The following HMX1 variants were observed in gnomAD, a reference collection of about 807,000 sequenced individuals.
The protein encoded by HMX1 is homeobox protein HMX1.
Under a neutral mutation model 8.9 loss-of-function variants are expected in HMX1, and 8 were observed. The ratio of observed to expected loss-of-function variants is 0.90; its 90% CI spans 0.53 to 1.63. The LOEUF is 1.63. Ranked by LOEUF, HMX1 falls within the 40% of genes most tolerant of loss-of-function variation. HMX1 has a pLI of 0.00. For missense variants in HMX1, 621 were observed against 558.5 expected (o/e 1.11, Z -1.13); for synonymous variants, 311 against 283.4 (o/e 1.10, Z -0.98).
chr4:8,848,610 A>G lies in HMX1; in HGVS notation c.395-2286T>C, dbSNP rs1183269261. Among the ~76,000 whole-genome samples the G allele has an allele frequency of 6.6e-6, 1 of 152,206 alleles. No homozygotes were observed. The highest frequency in any genetic ancestry group is 2.4e-5 in the African/African-American group (1 of 41,450). On this transcript the variant is annotated intron_variant, in intron 1 of 1. Coordinates refer to the HMX1 transcript ENST00000506970. The surrounding 1 kb of genome is among the most constrained non-coding windows in gnomAD (Gnocchi z 4.1). The stretch of plus-strand genomic sequence containing the variant: ...CCATAACTTGGCACTTGCTCCAGGC[A>G]TGCTTGGAGGTGCCGGCTGCTGTAG...
rs556363968 is a variant in HMX1, at chr4:8,852,064, A to G, written c.395-5740T>C. 4.6e-5 allele frequency among the ~76,000 whole-genome samples: 7 copies of G among 152,030 alleles called. No individual in the cohort carries two copies. In the East Asian group the frequency reaches 1.2e-3, roughly 25 times the overall value. On this transcript the variant is annotated intron_variant, in intron 1 of 1. Coordinates refer to the HMX1 transcript ENST00000506970. ...AGTGGGAGTGCAATCCAGGGTCTCC[A>G]CCTCTCCTGACCCTTCCAAGCCCCG...
intron 1 of HMX1, among the ~76,000 whole-genome samples, chr4:8,850,087 G>GT (rs1277742914): frequency 6.6e-6 from 1 of 152,200 alleles, no homozygotes; most frequent in Non-Finnish European, 1.5e-5. Flanking sequence ...TAGGCACACG[G>GT]TGAGTCTGTT....
At chr4:8,869,980 C>T (rs184140739) in intron 1 of HMX1, among the ~76,000 whole-genome samples, 37 of 152,270 alleles carry the variant, frequency 2.4e-4, no homozygotes, top group African/African-American at 8.4e-4. Context: ...GGAAGCCCTG[C>T]TCAAGTCTAC....
chr4:8,871,675 C>T lies in HMX1; in HGVS notation c.-61G>A. The T allele has an allele frequency of 2.6e-6, 3 of 1,150,548 alleles. No individual in the cohort carries two copies. Among genetic ancestry groups the T allele is most frequent in the Non-Finnish European group, 3.2e-6 (3 of 936,410 alleles). The allele number at this position is 1,150,548 out of a possible 1,614,324, so 71.3% of individuals were successfully genotyped here. A position where few individuals can be genotyped will look rare whatever the true frequency, so the allele number is the denominator to read the frequency against. On this transcript the variant is annotated 5_prime_UTR_variant, in exon 1 of 2. Coordinates refer to ENST00000400677, the MANE Select transcript of HMX1 (RefSeq NM_018942.3). The surrounding 1 kb of genome is among the most constrained non-coding windows in gnomAD (Gnocchi z 4.8). ...TCGGTCCCCGCTGGGGATGGTGGCG[C>T]GCGGCTCCCGGGCGCACGCGCGGGC... is the stretch of plus-strand genomic sequence containing the variant.
chr4:8,850,828 C>A (rs529037031), intron 1 of HMX1, among the ~76,000 whole-genome samples: 1 of 152,372 alleles, frequency 6.6e-6, no homozygotes, highest in South Asian at 2.1e-4. Context: ...TGGACCCAGG[C>A]TCCTGAGAGG....
chr4:8,846,256 T>G, exon 2 of HMX1: 1 of 1,535,138 alleles, frequency 6.5e-7, no homozygotes, highest in Non-Finnish European at 8.7e-7. Context: ...CTGTTCACTT[T>G]GTATTTATCA....
downstream of HMX1, among the ~76,000 whole-genome samples, chr4:8,864,907 C>A (rs567620883): frequency 1.3e-5 from 2 of 152,212 alleles, no homozygotes; most frequent in African/African-American, 4.8e-5. Context: ...TTAATTCTAT[C>A]GAAAGACACA....
chr4:8,868,106 G>T lies in HMX1; in HGVS notation c.634C>A (p.Arg212Ser), dbSNP rs1355324130. 2.0e-6 allele frequency: 3 copies of T among 1,513,528 alleles called. No individual in the cohort carries two copies. Among genetic ancestry groups the T allele is most frequent in the Non-Finnish European group, 2.6e-6 (3 of 1,133,172 alleles). 93.8% of individuals were successfully genotyped at this position (1,513,528 alleles called of 1,614,324 possible). The stretch of plus-strand genomic sequence containing the variant: ...GATTCCAGCTGGAAGACCTGGCTGC[G>T]GGAGAAGACTGTGCGCGTCTTCTTC... Reference protein sequence around the residue: ...RKKKTRTVFSRSQVFQLESTF... With the variant: ...RKKKTRTVFSSSQVFQLESTF... The change falls in exon 2 of 2, where the codon CGC becomes AGC. Residue 212 changes from arginine (R) to serine (S), a missense_variant. By Grantham distance (110) the Arg-to-Ser change is moderately radical (BLOSUM62 -1). Transcript: ENST00000400677. The surrounding 1 kb of genome is among the most constrained non-coding windows in gnomAD (Gnocchi z 4.6).
chr4:8,867,849 C>T lies in HMX1; in HGVS notation c.891G>A (p.Gly297=). ...HESPPAAAAA[G]PPATLPFPLA... ...GCGGGAAGGGCAGGGTGGCCGGGGGCCCAGCGGCGGCTGCGGCCGGGGGGC... is the reference window on the plus strand; with the variant it reads ...GCGGGAAGGGCAGGGTGGCCGGGGGTCCAGCGGCGGCTGCGGCCGGGGGGC... The change falls in exon 2 of 2, where the codon GGG becomes GGA. Residue 297 remains glycine, a synonymous_variant. Coordinates refer to ENST00000400677, the MANE Select transcript of HMX1 (RefSeq NM_018942.3). 8.1e-7 allele frequency: 1 copy of T among 1,239,972 alleles called. No individual in the cohort carries two copies. The highest frequency in any genetic ancestry group is 1.0e-6 in the Non-Finnish European group (1 of 993,684). The allele number at this position is 1,239,972 out of a possible 1,614,324, so 76.8% of individuals were successfully genotyped here. A position where few individuals can be genotyped will look rare whatever the true frequency, so the allele number is the denominator to read the frequency against.
chr4:8,866,973 G>C, downstream of HMX1: 1 of 710,170 alleles, frequency 1.4e-6, no homozygotes, highest in Non-Finnish European at 1.7e-6. Context: ...AGCACTGAAA[G>C]GTGCTCCCAG....
At position 8,848,524 on chromosome 4, in the gene HMX1, C is replaced by A. The variant is rs1721342298; in HGVS notation, c.395-2200G>T. ...ATCCCCTTGTTTTACAAATAGGAAA[C>A]CTGAGGCCAGAGAAGGCAAGTAAGT... On this transcript the variant is annotated intron_variant, in intron 1 of 1. Transcript: ENST00000506970. The surrounding 1 kb of genome is among the most constrained non-coding windows in gnomAD (Gnocchi z 4.1). Among the ~76,000 whole-genome samples the A allele has an allele frequency of 6.6e-6, 1 of 152,148 alleles. No individual in the cohort carries two copies. The highest frequency in any genetic ancestry group is 2.1e-4 in the South Asian group (1 of 4,816).
exon 2 of HMX1, chr4:8,846,154 G>A: frequency 9.9e-7 from 1 of 1,013,240 alleles, no homozygotes; most frequent in South Asian, 1.4e-5. Context: ...GGTCACTCGG[G>A]GGTCCAGGCT....
rs1299376556 is a variant in HMX1, at chr4:8,848,090, A to ATCTGCT, written c.395-1772_395-1767dup. Reference sequence around the variant, plus strand: ...TGTTTGGAACAACTTGGGTCTGAGAATCTGCTTTTTCAACTGTAAATCTTA... The same window carrying ATCTGCT: ...TGTTTGGAACAACTTGGGTCTGAGAATCTGCTTCTGCTTTTTCAACTGTAAATCTTA... On this transcript the variant is annotated intron_variant, in intron 1 of 1. Coordinates refer to the HMX1 transcript ENST00000506970. The surrounding 1 kb of genome is among the most constrained non-coding windows in gnomAD (Gnocchi z 4.1). Among the ~76,000 whole-genome samples the ATCTGCT allele has an allele frequency of 1.3e-5, 2 of 152,226 alleles. No homozygotes were observed. Among genetic ancestry groups the ATCTGCT allele is most frequent in the African/African-American group, 4.8e-5 (2 of 41,476 alleles).
chr4:8,871,615 C>A lies in HMX1; in HGVS notation c.-1G>T. On this transcript the variant is annotated 5_prime_UTR_variant, in exon 1 of 2. Transcript: ENST00000400677. This position sits in a 1 kb window ranked among gnomAD's most constrained non-coding sequence, Gnocchi z 4.8. ...CGGGCTCCGTCAGCTCGTCAGGCAT[C>A]GCGGCCGCGGGCTTCTCGGGCTCGG... is the stretch of plus-strand genomic sequence containing the variant. 1.6e-6 allele frequency: 2 copies of A among 1,283,192 alleles called. No homozygotes were observed. Among genetic ancestry groups the A allele is most frequent in the Non-Finnish European group, 2.0e-6 (2 of 1,016,104 alleles). The allele number at this position is 1,283,192 out of a possible 1,614,324, so 79.5% of individuals were successfully genotyped here. A position where few individuals can be genotyped will look rare whatever the true frequency, so the allele number is the denominator to read the frequency against.
chr4:8,858,620 G>C (rs981026052), intron 1 of HMX1: 1 of 152,222 alleles, frequency 6.6e-6, no homozygotes, highest in Non-Finnish European at 1.5e-5. Flanking sequence ...CCTGAGCGCA[G>C]GCCCCCGGGC....
At chr4:8,846,828 G>A (rs545203433) in intron 1 of HMX1, among the ~76,000 whole-genome samples, 1 of 152,264 alleles carries the variant, frequency 6.6e-6, no homozygotes, top group East Asian at 1.9e-4. Flanking sequence ...CAGTTCCAAT[G>A]TCTCCTCCTA....
At chr4:8,864,288 G>A (rs920473496), downstream of HMX1, among the ~76,000 whole-genome samples, 1 of 152,230 alleles carries the variant, frequency 6.6e-6, no homozygotes, top group African/African-American at 2.4e-5. Context: ...AAGTCGGACT[G>A]GGTCCAGTAT....
rs908768381 is a variant in HMX1 at position 8,847,942 on chromosome 4, C to T, written c.395-1618G>A. Among the ~76,000 whole-genome samples, 4 of 152,130 alleles carry T rather than the reference C, an allele frequency of 2.6e-5. No individual in the cohort carries two copies. The highest frequency in any genetic ancestry group is 2.1e-4 in the South Asian group (1 of 4,832). On this transcript the variant is annotated intron_variant, in intron 1 of 1. Transcript: ENST00000506970. The surrounding 1 kb of genome is among the most constrained non-coding windows in gnomAD (Gnocchi z 6.0). ...CGAGCCCCCTATACTCCAGGCTTTA[C>T]GGTAACTGGAACAGGCTCCGACTCC...
Position 8,868,949 on chromosome 4 carries a change from G to T in HMX1, c.395-604C>A, listed in dbSNP as rs539447109. Among the ~76,000 whole-genome samples, 421 of 152,132 alleles carry T rather than the reference G, an allele frequency of 2.8e-3. 4 individuals are homozygous for T. Among genetic ancestry groups the T allele is most frequent in the Admixed American group, 5.2e-3 (79 of 15,288 alleles). ...AGTAGGAGGACAAACCAATGCAAAGGATCCCCAAAAGAGAACTCCCATCAG... is the reference window on the plus strand; with the variant it reads ...AGTAGGAGGACAAACCAATGCAAAGTATCCCCAAAAGAGAACTCCCATCAG... On this transcript the variant is annotated intron_variant, in intron 1 of 1. Transcript: ENST00000400677. The surrounding 1 kb of genome is among the most constrained non-coding windows in gnomAD (Gnocchi z 4.6).
Sources: allele counts gnomAD v4.1 joint callset (sites outside exome capture counted in the v4.1 genomes callset), GRCh38; gene constraint gnomAD v4.1.1; non-coding constraint Gnocchi (gnomAD v3.1); transcripts MANE v1.5; gene names NCBI Gene and HGNC (gene_info 2026-07-23, HGNC 2026-07-21).